KCNIP4: variants seen among roughly 807,000 people sequenced by gnomAD.
KCNIP4 encodes the protein Kv channel-interacting protein 4.
Under a neutral mutation model 34.0 loss-of-function variants are expected in KCNIP4, and 12 were observed. That is an observed-to-expected ratio of 0.35 (90% confidence interval 0.23 to 0.57). The LOEUF (loss-of-function observed/expected upper bound fraction) is 0.57, where lower values mean the gene tolerates loss of function less well. KCNIP4 is among the 20% of genes least tolerant of loss of function. KCNIP4 has a pLI of 0.83. For missense variants in KCNIP4, 238 were observed against 311.7 expected (o/e 0.76, Z 1.78); for synonymous variants, 124 against 102.2 (o/e 1.21, Z -1.29).
chr4:21,094,421 T>A (rs2109052424), intron 1 of KCNIP4, among the ~76,000 whole-genome samples: 2 of 152,298 alleles, frequency 1.3e-5, no homozygotes, highest in Middle Eastern at 6.8e-3. Flanking sequence ...GGAGAAGCTC[T>A]GGTGACGGCT....
At chr4:21,031,524 C>G (rs1178119258) in intron 1 of KCNIP4, among the ~76,000 whole-genome samples, 3 of 152,162 alleles carry the variant, frequency 2.0e-5, no homozygotes, top group African/African-American at 7.2e-5. Context: ...TGCTGTTATA[C>G]TGTGACATTC....
chr4:20,949,273 T>C (rs1202990541), intron 1 of KCNIP4, among the ~76,000 whole-genome samples: 1 of 152,254 alleles, frequency 6.6e-6, no homozygotes, highest in Non-Finnish European at 1.5e-5. Flanking sequence ...AAATGTATTA[T>C]GCTTGTGCTA....
At chr4:21,211,823 C>T (rs1193718701) in intron 1 of KCNIP4, among the ~76,000 whole-genome samples, 1 of 151,804 alleles carries the variant, frequency 6.6e-6, no homozygotes, top group East Asian at 1.9e-4. Context: ...TAAAAACTTG[C>T]CCAAATCAGG....
intron 1 of KCNIP4, among the ~76,000 whole-genome samples, chr4:21,026,456 C>T (rs1173004437): frequency 1.3e-5 from 2 of 152,042 alleles, no homozygotes; most frequent in African/African-American, 4.8e-5. Flanking sequence ...GAGTTTGAGA[C>T]CAGCTGGGGC....
At position 21,015,449 on chromosome 4, in the gene KCNIP4, T is replaced by A. The variant is rs539332134; in HGVS notation, c.62-132740A>T. On this transcript the variant is annotated intron_variant, in intron 1 of 8. Coordinates refer to ENST00000382152, the MANE Select transcript of KCNIP4 (RefSeq NM_025221.6). The stretch of plus-strand genomic sequence containing the variant: ...TCATGGTTATATATAATATATATAT[T>A]ATATCATATAATATATAACCATATA... 2.0e-3 allele frequency among the ~76,000 whole-genome samples: 278 copies of A among 139,612 alleles called. 6 individuals are homozygous for A. The South Asian group carries it at 0.053, about 27-fold the overall frequency. The allele number at this position is 139,612 out of a possible 152,430, so 91.6% of individuals were successfully genotyped here. A position where few individuals can be genotyped will look rare whatever the true frequency, so the allele number is the denominator to read the frequency against.
At chr4:20,746,321 A>T (rs1051332739) in intron 5 of KCNIP4, among the ~76,000 whole-genome samples, 1 of 152,028 alleles carries the variant, frequency 6.6e-6, no homozygotes, top group African/African-American at 2.4e-5. Context: ...GAATTGAACA[A>T]TGAGAACACA....
intron 1 of KCNIP4, among the ~76,000 whole-genome samples, chr4:21,943,777 G>C (rs187327991): frequency 6.6e-6 from 1 of 152,086 alleles, no homozygotes; most frequent in African/African-American, 2.4e-5. Flanking sequence ...TTTGAGTGGG[G>C]AGAAGCAGTT....
At chr4:20,918,269 AG>A (rs1729041353) in intron 1 of KCNIP4, among the ~76,000 whole-genome samples, 1 of 152,080 alleles carries the variant, frequency 6.6e-6, no homozygotes, top group Admixed American at 6.6e-5. Context: ...TCCACTGGGA[AG>A]CTGTTCAACA....
intron 1 of KCNIP4, among the ~76,000 whole-genome samples, chr4:21,016,090 A>T (rs1577539370): frequency 6.7e-6 from 1 of 150,222 alleles, no homozygotes; most frequent in South Asian, 2.1e-4. Flanking sequence ...CTCGGGCTCC[A>T]GCAGCTCTAT....
intron 1 of KCNIP4, among the ~76,000 whole-genome samples, chr4:21,308,736 G>GTA: frequency 6.6e-6 from 1 of 150,506 alleles, no homozygotes; most frequent in Non-Finnish European, 1.5e-5. Flanking sequence ...GTGTGTGTGT[G>GTA]TGTAGCAGAT....
At chr4:21,224,150 G>A (rs1047650925) in intron 1 of KCNIP4, among the ~76,000 whole-genome samples, 22 of 152,096 alleles carry the variant, frequency 1.4e-4, no homozygotes, top group African/African-American at 4.6e-4. Context: ...TGTTGTCCCC[G>A]TCTCCATCAG....
chr4:20,848,140 A>G (rs866840322), intron 3 of KCNIP4, among the ~76,000 whole-genome samples: 1 of 152,144 alleles, frequency 6.6e-6, no homozygotes, highest in African/African-American at 2.4e-5. Context: ...GTCGATTAAT[A>G]TTTTCTGAGC....
intron 1 of KCNIP4, among the ~76,000 whole-genome samples, chr4:21,268,113 A>G (rs1009869488): frequency 6.6e-6 from 1 of 152,226 alleles, no homozygotes; most frequent in African/African-American, 2.4e-5. Context: ...TAACAACCCC[A>G]CAGCTAAATT....
chr4:21,436,674 A>G (rs957365452), intron 1 of KCNIP4, among the ~76,000 whole-genome samples: 5 of 152,200 alleles, frequency 3.3e-5, no homozygotes, highest in Non-Finnish European at 7.3e-5. Context: ...TCTATACCTC[A>G]TGTCCATTCC....
intron 1 of KCNIP4, among the ~76,000 whole-genome samples, chr4:21,181,251 T>G (rs995904464): frequency 2.0e-5 from 3 of 152,144 alleles, no homozygotes; most frequent in Non-Finnish European, 2.9e-5. Context: ...TTTTTCCCAC[T>G]TAATATCATT....
chr4:21,188,183 G>T (rs1755378878), intron 1 of KCNIP4, among the ~76,000 whole-genome samples: 1 of 152,138 alleles, frequency 6.6e-6, no homozygotes, highest in African/African-American at 2.4e-5. Flanking sequence ...TGACAACATT[G>T]CTCCAAAGAG....
At chr4:21,390,637 G>A (rs1004202986) in intron 1 of KCNIP4, among the ~76,000 whole-genome samples, 2 of 152,096 alleles carry the variant, frequency 1.3e-5, no homozygotes, top group Admixed American at 6.6e-5. Context: ...ATTTCTGAGG[G>A]CTTTGTTCTG....
chr4:21,396,022 T>C (rs764408749), intron 1 of KCNIP4, among the ~76,000 whole-genome samples: 6 of 151,612 alleles, frequency 4.0e-5, no homozygotes, highest in Non-Finnish European at 5.9e-5. Context: ...TGCTGAATAC[T>C]ATATATATAC....
chr4:21,937,523 G>A (rs1194880156), intron 1 of KCNIP4, among the ~76,000 whole-genome samples: 1 of 151,982 alleles, frequency 6.6e-6, no homozygotes, highest in Non-Finnish European at 1.5e-5. Context: ...AAATTTGATG[G>A]TCTTCTATCC....
Sources: allele counts gnomAD v4.1 joint callset (sites outside exome capture counted in the v4.1 genomes callset), GRCh38; gene constraint gnomAD v4.1.1; transcripts MANE v1.5; gene names NCBI Gene and HGNC (gene_info 2026-07-23, HGNC 2026-07-21).